Variants in RBM24 observed in about 807,000 individuals in gnomAD.
The protein encoded by RBM24 is RNA binding motif protein 24.
Under a neutral mutation model 23.6 loss-of-function variants are expected in RBM24, and 5 were observed. The observed-to-expected ratio is 0.21, with a 90% CI of 0.11 to 0.45. The LOEUF (loss-of-function observed/expected upper bound fraction) is 0.45. RBM24 is among the 20% of genes least tolerant of loss of function. The pLI is 0.99. For synonymous variants in RBM24, 151 were observed against 129.5 expected (o/e 1.17, Z -1.13); for missense variants, 252 against 314.6 (o/e 0.80, Z 1.51).
At position 17,292,136 on chromosome 6, in the gene RBM24, A is replaced by C. The variant is rs747197087; in HGVS notation, c.*17A>C. 6.8e-7 allele frequency: 1 copy of C among 1,478,902 alleles called. No homozygotes were observed. Among genetic ancestry groups the C allele is most frequent in the Non-Finnish European group, 8.9e-7 (1 of 1,117,404 alleles). 91.6% of individuals were successfully genotyped at this position (1,478,902 alleles called of 1,614,324 possible). ...ATGCAATAGACCAGCCATCTGATCA[A>C]AGTTGAATTGTTTTCTCTTTCCCTC... On this transcript the variant is annotated 3_prime_UTR_variant, in exon 4 of 4. Coordinates refer to ENST00000379052, the MANE Select transcript of RBM24 (RefSeq NM_001143942.2).
intron 3 of RBM24, chr6:17,288,962 C>G (rs1421683260): frequency 9.1e-6 from 9 of 985,172 alleles, no homozygotes; most frequent in African/African-American, 1.7e-5. Context: ...GAAAAAGAAA[C>G]CGATTAGGAT....
In RBM24 at chr6:17,291,902, C is replaced by T. The variant is rs1368120668; in HGVS notation, c.494C>T (p.Ala165Val). The change falls in exon 4 of 4, where the codon GCT becomes GTT. Residue 165 changes from alanine to valine, a missense_variant. Physicochemically the swap from Ala to Val is moderately conservative, Grantham distance 64. Transcript: ENST00000379052. ...TACGCACAATACTCAGCAGCTGCTG[C>T]TGCTGCCGCCGCCGCTGCTGCCTAT... is the stretch of plus-strand genomic sequence containing the variant. ...AAYAQYSAAA[A>V]AAAAAAAYDQ... 1.9e-6 allele frequency: 3 copies of T among 1,612,492 alleles called. No homozygotes were observed.
rs1159605487 is a variant in RBM24 at position 17,281,954 on chromosome 6, C to G, written c.168+205C>G. Reference sequence around the variant, plus strand: ...CGCGGGGTTCGGAGAAGACCCAGCGCTGTGCGAGGTCGGGGGCCGGGCAGG... The same window carrying G: ...CGCGGGGTTCGGAGAAGACCCAGCGGTGTGCGAGGTCGGGGGCCGGGCAGG... On this transcript the variant is annotated intron_variant, in intron 1 of 3. Coordinates refer to ENST00000379052, the MANE Select transcript of RBM24 (RefSeq NM_001143942.2). This position sits in a 1 kb window ranked among gnomAD's most constrained non-coding sequence, Gnocchi z 7.1. 2.9e-6 allele frequency: 4 copies of G among 1,359,730 alleles called. No homozygotes were observed. Among genetic ancestry groups the G allele is most frequent in the Non-Finnish European group, 1.9e-6 (2 of 1,033,850 alleles). The allele number at this position is 1,359,730 out of a possible 1,614,324, so 84.2% of individuals were successfully genotyped here. A position where few individuals can be genotyped will look rare whatever the true frequency, so the allele number is the denominator to read the frequency against.
chr6:17,291,968 ATG>A lies in RBM24; in HGVS notation c.562_563del (p.Val188TyrfsTer57). On this transcript the variant is annotated frameshift_variant, in exon 4 of 4. Transcript: ENST00000379052. LOFTEE classifies it high-confidence loss of function. ...GCAGCCTCTCCAGCTGCTGCAGGAT[ATG>A]TTACTGCTGGGGGCTATGGCTACGC... 6.2e-7 allele frequency: 1 copy of A among 1,611,360 alleles called. No homozygotes were observed. Among genetic ancestry groups the A allele is most frequent in the Non-Finnish European group, 8.5e-7 (1 of 1,179,400 alleles).
intron 3 of RBM24, chr6:17,289,954 T>G (rs1760305172): frequency 1.6e-6 from 2 of 1,287,302 alleles, no homozygotes; most frequent in Non-Finnish European, 2.0e-6. Context: ...AAGTTCTGAG[T>G]GTGTGCATGA....
intron 3 of RBM24, among the ~76,000 whole-genome samples, chr6:17,290,294 A>G (rs1249188019): frequency 6.6e-6 from 1 of 152,232 alleles, no homozygotes; most frequent in Non-Finnish European, 1.5e-5. Flanking sequence ...TGGCTTTGCC[A>G]GCAACCACGT....
chr6:17,281,692 C>T lies in RBM24; in HGVS notation c.111C>T (p.Ile37=), dbSNP rs1490535648. 1 of 1,552,116 alleles carries T rather than the reference C, an allele frequency of 6.4e-7. No homozygotes were observed. The highest frequency in any genetic ancestry group is 2.0e-5 in the Admixed American group (1 of 51,152). Residue 37 remains isoleucine, a synonymous_variant, in exon 1 of 4, where the codon ATC becomes ATT. Coordinates refer to ENST00000379052, the MANE Select transcript of RBM24 (RefSeq NM_001143942.2). The surrounding 1 kb of genome is among the most constrained non-coding windows in gnomAD (Gnocchi z 7.1). Reference sequence around the variant, plus strand: ...AGTACTTCGAGGTCTTCGGCGAGATCGAGGAGGCGGTGGTCATCACCGACC... The same window carrying T: ...AGTACTTCGAGGTCTTCGGCGAGATTGAGGAGGCGGTGGTCATCACCGACC... The part of the protein sequence containing the change: ...LRKYFEVFGE[I]EEAVVITDRQ...
intron 3 of RBM24, among the ~76,000 whole-genome samples, chr6:17,287,409 T>G (rs1421780441): frequency 6.6e-6 from 1 of 152,182 alleles, no homozygotes; most frequent in Non-Finnish European, 1.5e-5. Flanking sequence ...GTAGAAAAAC[T>G]TATAAACTTG....
rs1017723643 is a variant in RBM24 at position 17,281,845 on chromosome 6, A to G, written c.168+96A>G. The G allele has an allele frequency of 6.8e-7, 1 of 1,460,082 alleles. No homozygotes were observed. The highest frequency in any genetic ancestry group is 1.4e-5 in the African/African-American group (1 of 70,368). 90.4% of individuals were successfully genotyped at this position (1,460,082 alleles called of 1,614,324 possible). On this transcript the variant is annotated intron_variant, in intron 1 of 3. Transcript: ENST00000379052. The surrounding 1 kb of genome is among the most constrained non-coding windows in gnomAD (Gnocchi z 7.1). Reference sequence around the variant, plus strand: ...AGTGAGGGGCTCGGCGTGACCCGTGAGGAGCCCCGCGGGTAGAGCGGCGCT... The same window carrying G: ...AGTGAGGGGCTCGGCGTGACCCGTGGGGAGCCCCGCGGGTAGAGCGGCGCT...
chr6:17,284,623 C>T (rs1403645005), intron 2 of RBM24, 34 bp from the exon 3 acceptor site: 2 of 1,547,262 alleles, frequency 1.3e-6, no homozygotes, highest in Non-Finnish European at 1.8e-6. Flanking sequence ...CCTAACCATG[C>T]ACAAATAAAG....
intron 3 of RBM24, among the ~76,000 whole-genome samples, chr6:17,286,254 A>G (rs911464064): frequency 7.0e-6 from 1 of 141,938 alleles, no homozygotes; most frequent in Non-Finnish European, 1.5e-5. Flanking sequence ...GGGCCTTCCT[A>G]TATCCATAGC....
intron 3 of RBM24, chr6:17,288,515 T>A: frequency 1.0e-6 from 1 of 985,180 alleles, no homozygotes; most frequent in Non-Finnish European, 1.2e-6. Context: ...ATTTCACATA[T>A]GCAAAATAGG....
At position 17,287,969 on chromosome 6, in the gene RBM24, T is replaced by G. The variant is rs375107074; in HGVS notation, c.347+3258T>G. 7.2e-5 allele frequency among the ~76,000 whole-genome samples: 11 copies of G among 152,328 alleles called. 1 individual carries two copies. The highest frequency in any genetic ancestry group is 5.9e-4 in the Admixed American group (9 of 15,298). Reference sequence around the variant, plus strand: ...GTCCACTAAGGAGGGCAGGAGGGACTGTAACTAACACTAACCAAACATCTG... The same window carrying G: ...GTCCACTAAGGAGGGCAGGAGGGACGGTAACTAACACTAACCAAACATCTG... On this transcript the variant is annotated intron_variant, in intron 3 of 3. Coordinates refer to ENST00000379052, the MANE Select transcript of RBM24 (RefSeq NM_001143942.2).
Position 17,282,837 on chromosome 6 carries a change from G to A in RBM24, c.201G>A (p.Arg67=). 1.2e-6 allele frequency: 2 copies of A among 1,614,094 alleles called. No homozygotes were observed. The highest frequency in any genetic ancestry group is 8.5e-7 in the Non-Finnish European group (1 of 1,180,026). Residue 67 remains arginine, a synonymous_variant, in exon 2 of 4, where the codon AGG becomes AGA. Transcript: ENST00000379052. ...TGGCTGACCGGGCTGCTGCCGAAAG[G>A]GCCTGCAAGGATCCCAATCCCATCA... ...VTMADRAAAE[R]ACKDPNPIID...
chr6:17,291,938 C>G lies in RBM24; in HGVS notation c.530C>G (p.Pro177Arg). 6.2e-7 allele frequency: 1 copy of G among 1,613,172 alleles called. No individual in the cohort carries two copies. The highest frequency in any genetic ancestry group is 8.5e-7 in the Non-Finnish European group (1 of 1,179,800). The change falls in exon 4 of 4, where the codon CCC becomes CGC. Residue 177 changes from proline to arginine, a missense_variant. Coordinates refer to ENST00000379052, the MANE Select transcript of RBM24 (RefSeq NM_001143942.2). The stretch of plus-strand genomic sequence containing the variant: ...GCCGCTGCTGCCTATGACCAGTACC[C>G]CTATGCAGCCTCTCCAGCTGCTGCA... ...AAAAAAYDQY[P>R]YAASPAAAGY...
At chr6:17,284,281 A>G (rs1760125616) in intron 2 of RBM24, among the ~76,000 whole-genome samples, 1 of 152,228 alleles carries the variant, frequency 6.6e-6, no homozygotes, top group Non-Finnish European at 1.5e-5. Flanking sequence ...GCATCCCAGA[A>G]CGTTCCAAAT....
chr6:17,288,088 A>G (rs533884758), intron 3 of RBM24: 1 of 197,192 alleles, frequency 5.1e-6, no homozygotes, highest in East Asian at 1.9e-4. Context: ...TATCTTTTCC[A>G]AAACTAAGAC....
Position 17,281,970 on chromosome 6 carries a change from G to A in RBM24, c.168+221G>A. ...GACCCAGCGCTGTGCGAGGTCGGGGGCCGGGCAGGGCAGAGCAGGGGTGAA... is the reference window on the plus strand; with the variant it reads ...GACCCAGCGCTGTGCGAGGTCGGGGACCGGGCAGGGCAGAGCAGGGGTGAA... On this transcript the variant is annotated intron_variant, in intron 1 of 3. Coordinates refer to ENST00000379052, the MANE Select transcript of RBM24 (RefSeq NM_001143942.2). The surrounding 1 kb of genome is among the most constrained non-coding windows in gnomAD (Gnocchi z 7.1). The A allele has an allele frequency of 7.3e-7, 1 of 1,370,674 alleles. No individual in the cohort carries two copies. Among genetic ancestry groups the A allele is most frequent in the South Asian group, 1.5e-5 (1 of 65,986 alleles). 84.9% of individuals were successfully genotyped at this position (1,370,674 alleles called of 1,614,324 possible). A position where few individuals can be genotyped will look rare whatever the true frequency, so the allele number is the denominator to read the frequency against.
In RBM24 at chr6:17,282,318, C is replaced by T. The variant is rs764156526; in HGVS notation, c.169-487C>T. 5.1e-6 allele frequency: 6 copies of T among 1,172,542 alleles called. No homozygotes were observed. In the South Asian group the frequency reaches 6.4e-5, roughly 12 times the overall value. The allele number at this position is 1,172,542 out of a possible 1,614,324, so 72.6% of individuals were successfully genotyped here. A position where few individuals can be genotyped will look rare whatever the true frequency, so the allele number is the denominator to read the frequency against. ...AGATTTAAGCGTGCAAATTCAGCTG[C>T]CGAAGAGCAGGGAGCCCCAGAGTAG... On this transcript the variant is annotated intron_variant, in intron 1 of 3. Transcript: ENST00000379052.
Sources: allele counts gnomAD v4.1 joint callset (sites outside exome capture counted in the v4.1 genomes callset), GRCh38; gene constraint gnomAD v4.1.1; non-coding constraint Gnocchi (gnomAD v3.1); transcripts MANE v1.5; gene names NCBI Gene and HGNC (gene_info 2026-07-23, HGNC 2026-07-21).